ARL6IP6: variants seen among roughly 807,000 people sequenced by gnomAD.
ARL6IP6 encodes ARF like GTPase 6 interacting protein 6, also known as ADP-ribosylation factor-like protein 6-interacting protein 6.
Under a neutral mutation model 21.5 loss-of-function variants are expected in ARL6IP6, and 22 were observed. The observed-to-expected ratio is 1.02, with a 90% CI of 0.73 to 1.46. ARL6IP6 has a LOEUF of 1.46. Ranked by LOEUF, ARL6IP6 falls within the 40% of genes most tolerant of loss-of-function variation. ARL6IP6 has a pLI of 0.00. For synonymous variants in ARL6IP6, 164 were observed against 125.3 expected, an observed-to-expected ratio of 1.31 and a Z score of -2.06; for missense variants, 388 against 299.8, an observed-to-expected ratio of 1.29 and a Z score of -2.17.
At chr2:152,730,478 A>G (rs1381667927) in intron 2 of ARL6IP6, among the ~76,000 whole-genome samples, 1 of 152,208 alleles carries the variant, frequency 6.6e-6, no homozygotes, top group East Asian at 1.9e-4. Flanking sequence ...ATAATAGCAA[A>G]TAACAGCTAT....
rs1699739465 is a variant in ARL6IP6 at position 152,720,548 on chromosome 2, A to T, written c.416A>T (p.Asn139Ile). Residue 139 changes from asparagine to isoleucine, a missense_variant, in exon 2 of 4, where the codon AAT becomes ATT. Coordinates refer to ENST00000326446, the MANE Select transcript of ARL6IP6 (RefSeq NM_152522.7). ...YLIVKELHAE[N>I]LKNEDDVDTG... ...GTATTTGCAGAGTTGCATGCTGAGA[A>T]TTTGAAAAATGAAGATGATGTAGAC... 1 of 1,614,092 alleles carries T rather than the reference A, an allele frequency of 6.2e-7. No individual in the cohort carries two copies. The highest frequency in any genetic ancestry group is 1.6e-4 in the Middle Eastern group (1 of 6,062).
intron 3 of ARL6IP6, among the ~76,000 whole-genome samples, chr2:152,745,831 G>A (rs568685847): frequency 4.6e-5 from 7 of 151,998 alleles, no homozygotes; most frequent in Admixed American, 3.3e-4. Context: ...ATTGCACCGC[G>A]GCTTCTTGAA....
intron 3 of ARL6IP6, among the ~76,000 whole-genome samples, chr2:152,738,931 T>C (rs1700676300): frequency 6.6e-6 from 1 of 152,196 alleles, no homozygotes; most frequent in African/African-American, 2.4e-5. Context: ...TTCTTCCCTT[T>C]TAAACATAAG....
intron 3 of ARL6IP6, 123 bp downstream of exon 3, chr2:152,735,249 A>G: frequency 1.0e-6 from 1 of 991,294 alleles, no homozygotes; most frequent in East Asian, 2.5e-5. Flanking sequence ...TAAAGCACTA[A>G]TAACAGGACT....
chr2:152,752,777 A>C (rs940931132), intron 3 of ARL6IP6, among the ~76,000 whole-genome samples: 3 of 152,182 alleles, frequency 2.0e-5, no homozygotes, highest in Admixed American at 2.0e-4. Flanking sequence ...AGGGAGAATA[A>C]TAGTCTTTGA....
At chr2:152,755,412 C>T (rs1188056608) in intron 3 of ARL6IP6, among the ~76,000 whole-genome samples, 1 of 152,168 alleles carries the variant, frequency 6.6e-6, no homozygotes, top group Non-Finnish European at 1.5e-5. Flanking sequence ...TAACCATGTC[C>T]CTGTGATGCT....
At chr2:152,724,178 C>T (rs1005076779) in intron 2 of ARL6IP6, among the ~76,000 whole-genome samples, 2 of 149,020 alleles carry the variant, frequency 1.3e-5, no homozygotes, top group African/African-American at 4.9e-5. Context: ...GTTAGTTTAT[C>T]TGGGTTTCCG....
chr2:152,742,430 G>A (rs1393186561), intron 3 of ARL6IP6, among the ~76,000 whole-genome samples: 2 of 151,976 alleles, frequency 1.3e-5, no homozygotes, highest in Non-Finnish European at 2.9e-5. Flanking sequence ...GTATCCAGGT[G>A]TGGTGAAATG....
intron 2 of ARL6IP6, among the ~76,000 whole-genome samples, chr2:152,727,989 G>T (rs150757576): frequency 6.6e-6 from 1 of 152,252 alleles, no homozygotes; most frequent in African/African-American, 2.4e-5. Context: ...GGCTTTCACC[G>T]ATCTACCTGT....
chr2:152,742,989 C>G (rs1290399084), intron 3 of ARL6IP6, among the ~76,000 whole-genome samples: 2 of 152,184 alleles, frequency 1.3e-5, no homozygotes, highest in Non-Finnish European at 2.9e-5. Context: ...TGAAATTCAT[C>G]ATCAATAGGA....
intron 3 of ARL6IP6, among the ~76,000 whole-genome samples, chr2:152,748,232 A>G (rs1220481706): frequency 2.6e-5 from 4 of 152,258 alleles, no homozygotes; most frequent in African/African-American, 4.8e-5. Flanking sequence ...ACAATGGTCA[A>G]GTTCATTGAA....
chr2:152,721,668 A>G (rs1455282512), intron 2 of ARL6IP6, among the ~76,000 whole-genome samples: 1 of 152,248 alleles, frequency 6.6e-6, no homozygotes, highest in Non-Finnish European at 1.5e-5. Context: ...CACTGTAGAT[A>G]GGTGGTTGAG....
intron 2 of ARL6IP6, among the ~76,000 whole-genome samples, chr2:152,734,660 G>T (rs2105128025): frequency 6.6e-6 from 1 of 152,220 alleles, no homozygotes; most frequent in African/African-American, 2.4e-5. Flanking sequence ...CTGGCCTCAA[G>T]ACATCTTAAG....
intron 3 of ARL6IP6, among the ~76,000 whole-genome samples, chr2:152,736,519 C>A (rs1249823082): frequency 6.6e-6 from 1 of 152,184 alleles, no homozygotes; most frequent in African/African-American, 2.4e-5. Flanking sequence ...TTCACCAAGT[C>A]CAGTCCTTCC....
chr2:152,736,260 A>G (rs1464360675), intron 3 of ARL6IP6, among the ~76,000 whole-genome samples: 1 of 152,190 alleles, frequency 6.6e-6, no homozygotes, highest in Non-Finnish European at 1.5e-5. Flanking sequence ...TAACAGGTAT[A>G]AGTCTAGGGT....
chr2:152,754,812 G>A (rs1411281430), intron 3 of ARL6IP6, among the ~76,000 whole-genome samples: 1 of 151,756 alleles, frequency 6.6e-6, no homozygotes, highest in Non-Finnish European at 1.5e-5. Flanking sequence ...TTCCATTTCC[G>A]TATAACTAAT....
chr2:152,720,327 G>A (rs1055814224), intron 1 of ARL6IP6: 12 of 592,498 alleles, frequency 2.0e-5, no homozygotes, highest in African/African-American at 1.9e-4. Context: ...TCCTATGTAC[G>A]GTATATAGCT....
At chr2:152,752,224 C>G (rs573901225) in intron 3 of ARL6IP6, among the ~76,000 whole-genome samples, 21 of 152,278 alleles carry the variant, frequency 1.4e-4, no homozygotes, top group African/African-American at 4.6e-4. Flanking sequence ...ATTTGCCTAA[C>G]AGTGTTTTCC....
chr2:152,721,672 G>T (rs541195802), intron 2 of ARL6IP6, among the ~76,000 whole-genome samples: 1 of 152,286 alleles, frequency 6.6e-6, no homozygotes, highest in East Asian at 1.9e-4. Flanking sequence ...GTAGATAGGT[G>T]GTTGAGACAC....
Sources: gnomAD v4.1 joint callset for allele counts (sites outside exome capture counted in the v4.1 genomes callset) on GRCh38, gnomAD v4.1.1 for gene constraint, MANE v1.5 for transcripts, NCBI Gene and HGNC (gene_info 2026-07-23, HGNC 2026-07-21) for gene names.